SHB: variants seen among roughly 807,000 people sequenced by gnomAD.
SHB encodes the protein SH2 domain containing adaptor protein B, also known as SH2 domain-containing adapter protein B.
Under a neutral mutation model 52.3 loss-of-function variants are expected in SHB, and 20 were observed. The observed-to-expected ratio is 0.38, with a 90% CI of 0.27 to 0.56. The LOEUF is 0.56. Among genes scored for constraint, SHB ranks in the 20% least tolerant of loss-of-function variants. The probability of loss-of-function intolerance (pLI) is 0.71; values close to 1 mark genes in which losing one functional copy is unlikely to be tolerated. For missense variants in SHB, 825 were observed against 723.3 expected (o/e 1.14, Z -1.61); for synonymous variants, 397 against 316.5 (o/e 1.25, Z -2.70).
At chr9:38,032,347 C>T (rs986179224) in intron 1 of SHB, among the ~76,000 whole-genome samples, 1 of 152,216 alleles carries the variant, frequency 6.6e-6, no homozygotes, top group African/African-American at 2.4e-5. Flanking sequence ...CCCAGGCCAG[C>T]GTCACCCCAA....
At chr9:37,966,210 G>GT (rs1056779255) in intron 3 of SHB, among the ~76,000 whole-genome samples, 7 of 152,330 alleles carry the variant, frequency 4.6e-5, no homozygotes, top group African/African-American at 1.7e-4. Context: ...GACAGGCAGG[G>GT]TCTCTGACCT....
Position 38,047,623 on chromosome 9 carries a change from C to G in SHB, c.717+20306G>C, listed in dbSNP as rs149487501. Among the ~76,000 whole-genome samples the G allele has an allele frequency of 1.3e-4, 20 of 152,364 alleles. No individual in the cohort carries two copies. In the East Asian group the frequency reaches 3.7e-3, roughly 28 times the overall value. On this transcript the variant is annotated intron_variant, in intron 1 of 5. Transcript: ENST00000377707. ...AGAACTAACAGGAACTGAGAAACAG[C>G]AGCAGATCAAAAAGCAGGTTGCTCT...
At position 38,068,166 on chromosome 9, in the gene SHB, A is replaced by G. The variant is rs1323646402; in HGVS notation, c.480T>C (p.His160=). 12 of 1,440,846 alleles carry G rather than the reference A, an allele frequency of 8.3e-6. No homozygotes were observed. In the South Asian group the frequency reaches 1.8e-4, roughly 21 times the overall value. The allele number at this position is 1,440,846 out of a possible 1,614,324, so 89.3% of individuals were successfully genotyped here. Residue 160 remains histidine, a synonymous_variant, in exon 1 of 6, where the codon CAT becomes CAC. Transcript: ENST00000377707. ...GCCGCTCGCTGCTGCTGCGGTAGAG[A>G]TGCGGAGAGCCGGAGGACGAGGACG... The part of the protein sequence containing the change: ...ASSSSSSGSP[H]LYRSSSERRP...
At position 38,068,688 on chromosome 9, in the gene SHB, C is replaced by T. The variant is rs780860816; in HGVS notation, c.-43G>A. ...GGCCGCGGCGCGGGAGCCCGGTCCG[C>T]CGCCGCGGCCATTCGGGGGGCAGCG... On this transcript the variant is annotated 5_prime_UTR_variant, in exon 1 of 6. Transcript: ENST00000377707. The T allele has an allele frequency of 3.0e-5, 37 of 1,252,508 alleles. 1 individual carries two copies. In the South Asian group the frequency reaches 9.8e-4, roughly 33 times the overall value. The allele number at this position is 1,252,508 out of a possible 1,614,324, so 77.6% of individuals were successfully genotyped here.
At chr9:37,937,059 G>A (rs945588046) in intron 5 of SHB, among the ~76,000 whole-genome samples, 3 of 152,306 alleles carry the variant, frequency 2.0e-5, no homozygotes, top group Non-Finnish European at 1.5e-5. Flanking sequence ...GATGCCCCTA[G>A]TCAGACTTAC....
chr9:37,951,224 T>C (rs946179418), intron 4 of SHB, among the ~76,000 whole-genome samples: 2 of 152,198 alleles, frequency 1.3e-5, no homozygotes, highest in African/African-American at 4.8e-5. Flanking sequence ...AAGCTGGACA[T>C]CCGGAGGGGA....
At chr9:37,929,117 G>C (rs1341884319) in intron 5 of SHB, among the ~76,000 whole-genome samples, 2 of 152,242 alleles carry the variant, frequency 1.3e-5, no homozygotes, top group East Asian at 3.9e-4. Context: ...ACCTGTATCT[G>C]AGTCCCTGCC....
chr9:37,962,586 C>A (rs10115992), intron 3 of SHB, among the ~76,000 whole-genome samples: 87,445 of 151,076 alleles, frequency 0.58, 25,518 homozygotes, highest in East Asian at 0.82. Context: ...AGCTCAATGT[C>A]ACCTTGAACT....
chr9:37,946,760 A>G lies in SHB; in HGVS notation c.1346+1875T>C, dbSNP rs528365711. 2.6e-5 allele frequency among the ~76,000 whole-genome samples: 4 copies of G among 152,272 alleles called. No homozygotes were observed. In the East Asian group the frequency reaches 7.7e-4, roughly 29 times the overall value. On this transcript the variant is annotated intron_variant, in intron 5 of 5. Coordinates refer to ENST00000377707, the MANE Select transcript of SHB (RefSeq NM_003028.3). ...GGAGGCCCCTCCAGGCCAGGCCCCC[A>G]GCCACGGGGATTCCAGGAGGAATGA...
chr9:37,929,323 G>T (rs911231947), intron 5 of SHB, among the ~76,000 whole-genome samples: 1 of 152,248 alleles, frequency 6.6e-6, no homozygotes, highest in Non-Finnish European at 1.5e-5. Flanking sequence ...AGGCCCCTCG[G>T]ATAAGCATGA....
chr9:37,928,098 G>A (rs1034256701), intron 5 of SHB, among the ~76,000 whole-genome samples: 4 of 152,188 alleles, frequency 2.6e-5, no homozygotes, highest in Non-Finnish European at 4.4e-5. Flanking sequence ...CATTGGCTGG[G>A]CAAGTCCCCT....
At chr9:38,063,867 A>C (rs1821927368) in intron 1 of SHB, among the ~76,000 whole-genome samples, 1 of 151,034 alleles carries the variant, frequency 6.6e-6, no homozygotes, top group Middle Eastern at 3.4e-3. Context: ...GTGTTATTTA[A>C]CTCAACTCTG....
In SHB at chr9:38,002,287, A is replaced by C. The variant is rs1000300657; in HGVS notation, c.838+13724T>G. ...CTTGGAAGAAATTAGAGAAATGCCAACAATCTGACAATATTAATTAGAAAT... is the reference window on the plus strand; with the variant it reads ...CTTGGAAGAAATTAGAGAAATGCCACCAATCTGACAATATTAATTAGAAAT... On this transcript the variant is annotated intron_variant, in intron 2 of 5. Coordinates refer to ENST00000377707, the MANE Select transcript of SHB (RefSeq NM_003028.3). Among the ~76,000 whole-genome samples the C allele has an allele frequency of 3.9e-5, 6 of 152,368 alleles. No individual in the cohort carries two copies. The East Asian group carries it at 1.2e-3, about 29-fold the overall frequency.
intron 1 of SHB, among the ~76,000 whole-genome samples, chr9:38,046,791 G>A (rs117957651): frequency 0.012 from 1,866 of 152,300 alleles, 19 homozygotes; most frequent in Middle Eastern, 0.034. Flanking sequence ...TTTGGGCCTC[G>A]GCCTGACAGG....
At chr9:37,937,341 G>C (rs974221970) in intron 5 of SHB, among the ~76,000 whole-genome samples, 1 of 151,732 alleles carries the variant, frequency 6.6e-6, no homozygotes, top group African/African-American at 2.4e-5. Context: ...TTTTCCAAAA[G>C]AAATGGCAAA....
chr9:38,062,293 TCA>T (rs1821904709), intron 1 of SHB, among the ~76,000 whole-genome samples: 1 of 152,296 alleles, frequency 6.6e-6, no homozygotes, highest in African/African-American at 2.4e-5. Flanking sequence ...TCTCTAAGCC[TCA>T]GTTTCTTTAT....
chr9:37,924,364 G>A (rs1832220595), intron 5 of SHB, among the ~76,000 whole-genome samples: 1 of 152,170 alleles, frequency 6.6e-6, no homozygotes, highest in Non-Finnish European at 1.5e-5. Context: ...CTCACCTCTC[G>A]CTTTTAGACC....
intron 2 of SHB, among the ~76,000 whole-genome samples, chr9:37,980,527 C>T (rs1820712411): frequency 6.6e-6 from 1 of 152,216 alleles, no homozygotes; most frequent in South Asian, 2.1e-4. Flanking sequence ...TTGAAGGCCT[C>T]AAAGTCATCT....
At chr9:37,993,433 T>C (rs761544478) in intron 2 of SHB, among the ~76,000 whole-genome samples, 4 of 152,146 alleles carry the variant, frequency 2.6e-5, no homozygotes, top group Non-Finnish European at 4.4e-5. Flanking sequence ...CAGGGAGGGA[T>C]AGCATTAGGA....
Sources: allele counts gnomAD v4.1 joint callset (sites outside exome capture counted in the v4.1 genomes callset), GRCh38; gene constraint gnomAD v4.1.1; transcripts MANE v1.5; gene names NCBI Gene and HGNC (gene_info 2026-07-23, HGNC 2026-07-21).